Variants in AFG1L observed in about 807,000 individuals in gnomAD.
AFG1L encodes the protein AFG1 like ATPase.
In AFG1L, 53 loss-of-function variants were observed where a neutral mutation model predicts 62.2. The ratio of observed to expected loss-of-function variants is 0.85; its 90% CI spans 0.68 to 1.07. The LOEUF (loss-of-function observed/expected upper bound fraction) is 1.07. Ranked by LOEUF, AFG1L falls within the 50% of genes least tolerant of loss-of-function variation. AFG1L has a pLI of 0.00. For missense variants in AFG1L, 555 were observed against 590.5 expected (o/e 0.94, Z 0.62); for synonymous variants, 228 against 210.3 (o/e 1.08, Z -0.73).
chr6:108,358,228 A>G (rs1359188074), intron 5 of AFG1L, among the ~76,000 whole-genome samples: 1 of 152,238 alleles, frequency 6.6e-6, no homozygotes, highest in Non-Finnish European at 1.5e-5. Flanking sequence ...ATTTTCCATT[A>G]CTAGCCTTTT....
chr6:108,309,890 C>T (rs987196619), intron 1 of AFG1L, among the ~76,000 whole-genome samples: 1 of 151,902 alleles, frequency 6.6e-6, no homozygotes, highest in African/African-American at 2.4e-5. Flanking sequence ...AGATTTTTAC[C>T]CAGCTTGCAA....
chr6:108,352,601 C>T (rs748795012), intron 3 of AFG1L, among the ~76,000 whole-genome samples: 4 of 152,132 alleles, frequency 2.6e-5, no homozygotes, highest in Non-Finnish European at 5.9e-5. Flanking sequence ...CTCGCTCTGT[C>T]GCCCAGGTCC....
chr6:108,451,824 T>C (rs760976238), intron 8 of AFG1L, among the ~76,000 whole-genome samples: 36 of 152,234 alleles, frequency 2.4e-4, no homozygotes, highest in Middle Eastern at 3.4e-3. Flanking sequence ...GTTCAAGCAA[T>C]TCTCCTGCCT....
chr6:108,468,106 A>G (rs1772741842), intron 8 of AFG1L, among the ~76,000 whole-genome samples: 1 of 152,166 alleles, frequency 6.6e-6, no homozygotes, highest in East Asian at 1.9e-4. Flanking sequence ...ATGCCTTCAG[A>G]TGCCTGTTTT....
At chr6:108,438,449 G>A (rs1771404911) in intron 7 of AFG1L, among the ~76,000 whole-genome samples, 1 of 152,048 alleles carries the variant, frequency 6.6e-6, no homozygotes, top group African/African-American at 2.4e-5. Context: ...CATTTTAACT[G>A]AATTAAAGGC....
chr6:108,351,784 A>G (rs1053394720), intron 3 of AFG1L, among the ~76,000 whole-genome samples: 2 of 152,096 alleles, frequency 1.3e-5, no homozygotes, highest in Non-Finnish European at 2.9e-5. Context: ...ATGATTCAGT[A>G]TCATTAAGTC....
At chr6:108,378,239 C>T (rs973959999) in intron 6 of AFG1L, among the ~76,000 whole-genome samples, 22 of 151,944 alleles carry the variant, frequency 1.4e-4, no homozygotes, top group African/African-American at 5.1e-4. Context: ...TTAGAAGTTT[C>T]TTTGTCTCAA....
intron 10 of AFG1L, among the ~76,000 whole-genome samples, chr6:108,500,143 A>T (rs1774128547): frequency 6.9e-6 from 1 of 144,770 alleles, no homozygotes; most frequent in African/African-American, 2.6e-5. Flanking sequence ...ATTCTTTTTT[A>T]TGGCTGTGTA....
intron 8 of AFG1L, among the ~76,000 whole-genome samples, chr6:108,451,924 C>T (rs183962481): frequency 1.0e-3 from 153 of 152,052 alleles, no homozygotes; most frequent in African/African-American, 3.5e-3. Flanking sequence ...CAGATTTGCC[C>T]GGCTGGTCTT....
chr6:108,468,953 G>A (rs1305164497), intron 8 of AFG1L, among the ~76,000 whole-genome samples: 4 of 151,980 alleles, frequency 2.6e-5, no homozygotes, highest in Non-Finnish European at 4.4e-5. Context: ...ATATTATAGT[G>A]TGTTCTTCCC....
chr6:108,485,559 A>G (rs2114835989), intron 10 of AFG1L, among the ~76,000 whole-genome samples: 1 of 143,364 alleles, frequency 7.0e-6, no homozygotes, highest in African/African-American at 2.6e-5. Flanking sequence ...AGTCTTTGAG[A>G]GGAATATGTC....
intron 6 of AFG1L, among the ~76,000 whole-genome samples, chr6:108,400,616 T>A (rs1781528621): frequency 7.5e-6 from 1 of 133,728 alleles, no homozygotes; most frequent in Non-Finnish European, 1.6e-5. Context: ...TATATAATAA[T>A]TTATATAAAA....
chr6:108,325,141 C>A (rs1325955407), intron 2 of AFG1L, among the ~76,000 whole-genome samples: 1 of 152,200 alleles, frequency 6.6e-6, no homozygotes. Context: ...GCACTGGTTT[C>A]TGTCTTTGTC....
intron 11 of AFG1L, among the ~76,000 whole-genome samples, chr6:108,515,715 G>A (rs1471720829): frequency 6.6e-6 from 1 of 152,050 alleles, no homozygotes; most frequent in Non-Finnish European, 1.5e-5. Flanking sequence ...TCCAGGAGCT[G>A]GTTTTTTGAA....
At chr6:108,480,724 G>A (rs963992842) in intron 10 of AFG1L, among the ~76,000 whole-genome samples, 1 of 152,158 alleles carries the variant, frequency 6.6e-6, no homozygotes, top group Non-Finnish European at 1.5e-5. Context: ...TTTGAACCCA[G>A]GAGGTGGAGG....
At chr6:108,434,880 G>T (rs534740181) in intron 7 of AFG1L, among the ~76,000 whole-genome samples, 1 of 152,152 alleles carries the variant, frequency 6.6e-6, no homozygotes, top group Non-Finnish European at 1.5e-5. Flanking sequence ...ATCTCTAGAT[G>T]TATAGGTGAT....
At chr6:108,389,675 T>G (rs938059231) in intron 6 of AFG1L, among the ~76,000 whole-genome samples, 15 of 152,192 alleles carry the variant, frequency 9.9e-5, no homozygotes, top group African/African-American at 3.4e-4. Context: ...GGGTTGAAAA[T>G]TCTTTCCTTT....
chr6:108,502,505 T>C (rs576172612), intron 10 of AFG1L, among the ~76,000 whole-genome samples: 1 of 152,166 alleles, frequency 6.6e-6, no homozygotes, highest in South Asian at 2.1e-4. Context: ...GTGCCTGGCC[T>C]GGTTTTGTAT....
At chr6:108,417,320 A>T (rs2114678233) in intron 7 of AFG1L, among the ~76,000 whole-genome samples, 1 of 151,624 alleles carries the variant, frequency 6.6e-6, no homozygotes, top group African/African-American at 2.4e-5. Flanking sequence ...GAAAAAGAAA[A>T]GGGGCCCTGA....
Sources: allele counts gnomAD v4.1 joint callset (sites outside exome capture counted in the v4.1 genomes callset), GRCh38; gene constraint gnomAD v4.1.1; transcripts MANE v1.5; gene names NCBI Gene and HGNC (gene_info 2026-07-23, HGNC 2026-07-21).